Variants in LPIN2 observed in about 807,000 individuals in gnomAD.
The protein encoded by LPIN2 is lipin 2.
LPIN2 carries 55 observed loss-of-function variants against 111.4 expected under a neutral mutation model. The ratio of observed to expected loss-of-function variants is 0.49; its 90% CI spans 0.40 to 0.62. LPIN2 has a LOEUF of 0.62. Ranked by LOEUF, LPIN2 falls within the 20% of genes least tolerant of loss-of-function variation. LPIN2 has a pLI of 0.00. For synonymous variants in LPIN2, 425 were observed against 414.0 expected, an observed-to-expected ratio of 1.03 and a Z score of -0.32; for missense variants, 992 against 1,112.1, an observed-to-expected ratio of 0.89 and a Z score of 1.54.
intron 1 of LPIN2, among the ~76,000 whole-genome samples, chr18:3,009,684 G>A (rs946338896): frequency 1.2e-4 from 18 of 151,870 alleles, no homozygotes; most frequent in South Asian, 4.2e-4. Context: ...CAGGTGATCC[G>A]CCCGCCTCGG....
intron 1 of LPIN2, 92 bp downstream of exon 1, chr18:3,012,995 C>G (rs1047795602): frequency 1.3e-5 from 2 of 150,916 alleles, no homozygotes; most frequent in African/African-American, 2.4e-5. Flanking sequence ...CAGGACAGCC[C>G]CGGGCCCGCG....
chr18:2,948,627 T>C (rs2077490259), intron 4 of LPIN2, among the ~76,000 whole-genome samples: 1 of 152,150 alleles, frequency 6.6e-6, no homozygotes, highest in Non-Finnish European at 1.5e-5. Context: ...TTTTGGTAGA[T>C]CTTGGAAGAA....
chr18:2,997,483 C>T (rs1338937291), intron 1 of LPIN2, among the ~76,000 whole-genome samples: 1 of 152,146 alleles, frequency 6.6e-6, no homozygotes, highest in African/African-American at 2.4e-5. Context: ...GAAGTCAAAG[C>T]TATAGCAGTC....
intron 1 of LPIN2, among the ~76,000 whole-genome samples, chr18:3,011,280 A>G (rs1251197001): frequency 6.6e-6 from 1 of 152,234 alleles, no homozygotes; most frequent in Admixed American, 6.5e-5. Flanking sequence ...GCTTCTCTTA[A>G]GCATAATGCG....
At chr18:2,936,982 C>T (rs922578653) in intron 7 of LPIN2, among the ~76,000 whole-genome samples, 2 of 152,158 alleles carry the variant, frequency 1.3e-5, no homozygotes, top group South Asian at 2.1e-4. Context: ...AAAAAACCTA[C>T]CTAATTTAGC....
At chr18:2,936,530 G>A (rs942511163) in intron 7 of LPIN2, among the ~76,000 whole-genome samples, 2 of 151,942 alleles carry the variant, frequency 1.3e-5, no homozygotes, top group South Asian at 2.1e-4. Context: ...CACTGCAGTC[G>A]TGACCTCCCT....
At chr18:3,012,915 G>T (rs1330867197) in intron 1 of LPIN2, among the ~76,000 whole-genome samples, 172 bp downstream of exon 1, 1 of 151,414 alleles carries the variant, frequency 6.6e-6, no homozygotes, top group Non-Finnish European at 1.5e-5. Flanking sequence ...CGCGAGGACC[G>T]GGAAGCGGGG....
chr18:2,955,723 C>G (rs2077600991), intron 2 of LPIN2, among the ~76,000 whole-genome samples: 1 of 152,160 alleles, frequency 6.6e-6, no homozygotes. Flanking sequence ...CGAGACCAAC[C>G]TGACCAACAT....
intron 4 of LPIN2, among the ~76,000 whole-genome samples, chr18:2,950,075 T>C (rs937513109): frequency 5.9e-5 from 9 of 152,314 alleles, no homozygotes; most frequent in Non-Finnish European, 1.2e-4. Context: ...CACTCCAGCC[T>C]GGGCAACACA....
intron 18 of LPIN2, 50 bp from the exon 19 acceptor site, chr18:2,920,931 G>T: frequency 8.0e-7 from 1 of 1,252,946 alleles, no homozygotes. Flanking sequence ...GAATTCAGGA[G>T]ATACTTCTCA....
chr18:2,993,951 T>TA (rs2078303656), intron 1 of LPIN2, among the ~76,000 whole-genome samples: 3 of 152,138 alleles, frequency 2.0e-5, no homozygotes, highest in Admixed American at 1.3e-4. Flanking sequence ...AGACCCCAAG[T>TA]AAAAAACCTC....
chr18:2,957,012 A>G (rs1020754042), intron 2 of LPIN2, among the ~76,000 whole-genome samples: 1 of 152,252 alleles, frequency 6.6e-6, no homozygotes, highest in African/African-American at 2.4e-5. Context: ...TATTTTAAAA[A>G]GGACACTAAT....
chr18:2,926,045 C>A (rs531671395), intron 13 of LPIN2, among the ~76,000 whole-genome samples: 1 of 151,934 alleles, frequency 6.6e-6, no homozygotes, highest in African/African-American at 2.4e-5. Flanking sequence ...CTTAGGAGGC[C>A]GAGGCAGGAT....
intron 8 of LPIN2, among the ~76,000 whole-genome samples, chr18:2,933,489 A>AT (rs1568529597): frequency 6.6e-6 from 1 of 152,238 alleles, no homozygotes; most frequent in Non-Finnish European, 1.5e-5. Context: ...AATGAAGTAG[A>AT]TATGTTGAGA....
chr18:2,968,053 G>GA (rs1339492042), intron 1 of LPIN2, among the ~76,000 whole-genome samples: 1 of 152,168 alleles, frequency 6.6e-6, no homozygotes, highest in Non-Finnish European at 1.5e-5. Context: ...CTTCAGTGGA[G>GA]AAAGAGCCCC....
chr18:2,931,162 G>T, intron 9 of LPIN2, 94 bp downstream of exon 9: 1 of 1,386,266 alleles, frequency 7.2e-7, no homozygotes, highest in African/African-American at 1.4e-5. Context: ...CCTAAAGAAT[G>T]TAAATATCCT....
At chr18:2,927,922 G>C in intron 11 of LPIN2, 111 bp from the exon 12 acceptor site, 1 of 885,090 alleles carries the variant, frequency 1.1e-6, no homozygotes. Flanking sequence ...GAACGTGACC[G>C]ATGCTCTCTT....
In LPIN2 at chr18:2,920,206, TG is replaced by T; in HGVS notation, c.*86del. The T allele has an allele frequency of 8.9e-6, 14 of 1,565,044 alleles. No homozygotes were observed. Among genetic ancestry groups the T allele is most frequent in the Non-Finnish European group, 1.1e-5 (12 of 1,138,552 alleles). ...AGCACCCGTCCCCGCTGGGGAAGGC[TG>T]GTATCTGAGGTCAGCAGAAGAGCCA... On this transcript the variant is annotated 3_prime_UTR_variant, in exon 20 of 20. Coordinates refer to ENST00000677752, the MANE Select transcript of LPIN2 (RefSeq NM_001375808.2).
At chr18:2,980,376 C>T (rs9967441) in intron 1 of LPIN2, among the ~76,000 whole-genome samples, 3 of 152,172 alleles carry the variant, frequency 2.0e-5, no homozygotes, top group African/African-American at 7.2e-5. Flanking sequence ...TAGTTTTAGA[C>T]TTGTTCACCT....
Sources: gnomAD v4.1 joint callset for allele counts (sites outside exome capture counted in the v4.1 genomes callset) on GRCh38, gnomAD v4.1.1 for gene constraint, MANE v1.5 for transcripts, NCBI Gene and HGNC (gene_info 2026-07-23, HGNC 2026-07-21) for gene names.